Variants in KYNU observed in about 807,000 individuals in gnomAD.
The protein encoded by KYNU is L-kynurenine hydrolase.
KYNU carries 54 observed loss-of-function variants against 59.2 expected under a neutral mutation model. The ratio of observed to expected loss-of-function variants is 0.91; its 90% CI spans 0.73 to 1.14. The LOEUF (loss-of-function observed/expected upper bound fraction) is 1.14, where lower values mean the gene tolerates loss of function less well. Among genes scored for constraint, KYNU ranks in the 50% most tolerant of loss-of-function variants. KYNU has a pLI of 0.00. For missense variants in KYNU, 567 were observed against 554.4 expected (o/e 1.02, Z -0.23); for synonymous variants, 177 against 192.0 (o/e 0.92, Z 0.65).
Position 142,903,214 on chromosome 2 carries a change from G to T in KYNU, c.170-15395G>T, listed in dbSNP as rs187988798. The stretch of plus-strand genomic sequence containing the variant: ...GTCCTTGTTGGGCCTCGGGTCTAAG[G>T]GGGTACTGCCTTTGGTAGGGAAAGG... On this transcript the variant is annotated intron_variant, in intron 2 of 13. Coordinates refer to ENST00000264170, the MANE Select transcript of KYNU (RefSeq NM_003937.3). Among the ~76,000 whole-genome samples the T allele has an allele frequency of 2.9e-3, 446 of 152,180 alleles. 3 individuals are homozygous for T. Among genetic ancestry groups the T allele is most frequent in the Admixed American group, 0.028 (422 of 15,296 alleles).
intron 3 of KYNU, among the ~76,000 whole-genome samples, chr2:142,925,915 G>A (rs1683033843): frequency 6.6e-6 from 1 of 152,152 alleles, no homozygotes. Flanking sequence ...GATTCCTAAA[G>A]AATTAAGAAC....
chr2:142,878,624 CTATT>C (rs1558895920), intron 1 of KYNU, among the ~76,000 whole-genome samples: 1 of 152,160 alleles, frequency 6.6e-6, no homozygotes, highest in Non-Finnish European at 1.5e-5. Context: ...ATTTATTTAA[CTATT>C]TAGCCCTAAA....
chr2:142,996,714 G>A (rs376187224), intron 10 of KYNU, among the ~76,000 whole-genome samples: 1 of 152,184 alleles, frequency 6.6e-6, no homozygotes. Context: ...AGATCCTTAT[G>A]TTCCAACTAA....
intron 8 of KYNU, among the ~76,000 whole-genome samples, chr2:142,961,231 A>G (rs1334618927): frequency 2.0e-5 from 3 of 150,490 alleles, no homozygotes; most frequent in Non-Finnish European, 4.4e-5. Flanking sequence ...TTTTTAAAAG[A>G]AAATCTGTAA....
Position 143,011,132 on chromosome 2 carries a change from A to G in KYNU, c.903-18495A>G. Among the ~76,000 whole-genome samples the G allele has an allele frequency of 1.4e-5, 2 of 146,084 alleles. 1 individual carries two copies. Among genetic ancestry groups the G allele is most frequent in the East Asian group, 4.3e-4 (2 of 4,678 alleles). On this transcript the variant is annotated intron_variant, in intron 10 of 13. Transcript: ENST00000264170. ...CCATCAGAGTGAACAGGCAACCTAC[A>G]AAATGGGAGACAATTTTTGCAACCT...
chr2:142,961,372 G>A (rs1386680579), intron 8 of KYNU, among the ~76,000 whole-genome samples: 4 of 146,148 alleles, frequency 2.7e-5, no homozygotes, highest in African/African-American at 5.1e-5. Flanking sequence ...GGCCAGGCAA[G>A]CTGTAGGTGA....
At chr2:142,954,259 CAG>C in intron 4 of KYNU, among the ~76,000 whole-genome samples, 2 of 152,070 alleles carry the variant, frequency 1.3e-5, no homozygotes, top group Admixed American at 1.3e-4. Context: ...TCTTTTATCT[CAG>C]TGTGTATGAA....
intron 2 of KYNU, among the ~76,000 whole-genome samples, chr2:142,901,188 T>C (rs1017320071): frequency 1.3e-5 from 2 of 152,224 alleles, no homozygotes; most frequent in African/African-American, 4.8e-5. Context: ...AAATAATGAT[T>C]TGGCCATCTG....
At chr2:142,946,178 C>T (rs1683773105) in intron 4 of KYNU, among the ~76,000 whole-genome samples, 1 of 151,972 alleles carries the variant, frequency 6.6e-6, no homozygotes, top group Admixed American at 6.6e-5. Flanking sequence ...ATTTCCTGGG[C>T]TCTGGCAATT....
chr2:143,040,556 AATT>A lies in KYNU; in HGVS notation c.1172_1174del (p.Ile391del). On this transcript the variant is annotated inframe_deletion, in exon 13 of 14. Coordinates refer to ENST00000264170, the MANE Select transcript of KYNU (RefSeq NM_003937.3). Reference sequence around the variant, plus strand: ...CAACCAAGAAACCAGTTGTGAACATAATTACTCCGTCTCATGTAGAGGAGCGGG... The same window carrying A: ...CAACCAAGAAACCAGTTGTGAACATAACTCCGTCTCATGTAGAGGAGCGGG... The A allele has an allele frequency of 6.2e-7, 1 of 1,612,984 alleles. No homozygotes were observed. Among genetic ancestry groups the A allele is most frequent in the Non-Finnish European group, 8.5e-7 (1 of 1,179,256 alleles).
chr2:142,966,350 C>T (rs1684533582), intron 8 of KYNU, among the ~76,000 whole-genome samples: 1 of 152,152 alleles, frequency 6.6e-6, no homozygotes, highest in African/African-American at 2.4e-5. Flanking sequence ...GCTTTTGTGT[C>T]CACAGCCTCT....
chr2:142,886,023 A>G (rs1433157736), intron 2 of KYNU, among the ~76,000 whole-genome samples: 1 of 152,228 alleles, frequency 6.6e-6, no homozygotes, highest in Non-Finnish European at 1.5e-5. Context: ...CGAGTGTAAG[A>G]GTTACCAAGA....
intron 2 of KYNU, among the ~76,000 whole-genome samples, chr2:142,888,169 A>G (rs915052081): frequency 2.6e-5 from 4 of 152,192 alleles, no homozygotes; most frequent in African/African-American, 9.6e-5. Context: ...TTTAAAAAAT[A>G]TAGTTTTGCT....
Position 142,918,690 on chromosome 2 carries a change from A to G in KYNU, c.251A>G (p.Lys84Arg), listed in dbSNP as rs1417168611. The change falls in exon 3 of 14, where the codon AAA becomes AGA. Residue 84 changes from lysine to arginine, a missense_variant. Transcript: ENST00000264170. ...CTTGGCCTTCAACCAAAAATGGTTAAAACATATCTTGAAGAAGAACTAGAT... is the reference window on the plus strand; with the variant it reads ...CTTGGCCTTCAACCAAAAATGGTTAGAACATATCTTGAAGAAGAACTAGAT... ...NSLGLQPKMVKTYLEEELDKW... is the reference protein window; with the variant it reads ...NSLGLQPKMVRTYLEEELDKW... The G allele has an allele frequency of 1.3e-5, 21 of 1,612,864 alleles. No individual in the cohort carries two copies. Among genetic ancestry groups the G allele is most frequent in the Middle Eastern group, 1.7e-4 (1 of 6,050 alleles).
intron 4 of KYNU, among the ~76,000 whole-genome samples, chr2:142,946,072 T>C (rs559850518): frequency 4.7e-4 from 71 of 151,594 alleles, no homozygotes; most frequent in African/African-American, 1.7e-3. Context: ...AATTTTTGTA[T>C]TTTGTTTTTT....
chr2:143,017,923 G>C (rs1006545973), intron 10 of KYNU, among the ~76,000 whole-genome samples: 8 of 150,782 alleles, frequency 5.3e-5, no homozygotes, highest in Admixed American at 5.2e-4. Context: ...AAAATATTTA[G>C]TTCAATTGCT....
intron 4 of KYNU, among the ~76,000 whole-genome samples, 165 bp from the exon 5 acceptor site, chr2:142,954,645 A>T (rs1684104051): frequency 6.6e-6 from 1 of 152,090 alleles, no homozygotes; most frequent in Non-Finnish European, 1.5e-5. Context: ...ATCATTTGAT[A>T]AAATGAGTCA....
At chr2:142,978,349 G>C (rs992188949) in intron 8 of KYNU, among the ~76,000 whole-genome samples, 18 of 151,956 alleles carry the variant, frequency 1.2e-4, no homozygotes, top group African/African-American at 4.4e-4. Flanking sequence ...TGTAGTTCTT[G>C]GATTGTTTCT....
chr2:142,981,896 G>C (rs903496422), intron 8 of KYNU, among the ~76,000 whole-genome samples: 1 of 152,006 alleles, frequency 6.6e-6, no homozygotes, highest in Non-Finnish European at 1.5e-5. Flanking sequence ...TGGGCCATAT[G>C]GTCCCTGTTG....
Sources: gnomAD v4.1 joint callset for allele counts (sites outside exome capture counted in the v4.1 genomes callset) on GRCh38, gnomAD v4.1.1 for gene constraint, MANE v1.5 for transcripts, NCBI Gene and HGNC (gene_info 2026-07-23, HGNC 2026-07-21) for gene names.